Variants in UBE3B observed in about 807,000 individuals in gnomAD.
The protein encoded by UBE3B is ubiquitin protein ligase E3B.
UBE3B carries 80 observed loss-of-function variants against 132.3 expected under a neutral mutation model. That is an observed-to-expected ratio of 0.60 (90% CI 0.50 to 0.73). UBE3B has a LOEUF of 0.73. UBE3B is among the 30% of genes least tolerant of loss of function. The pLI is 0.00. For synonymous variants in UBE3B, 487 were observed against 520.4 expected (o/e 0.94, Z 0.87); for missense variants, 1,196 against 1,362.5 (o/e 0.88, Z 1.92).
At chr12:109,532,718 CA>C (rs1372525765) in intron 26 of UBE3B, among the ~76,000 whole-genome samples, 1 of 152,240 alleles carries the variant, frequency 6.6e-6, no homozygotes, top group Non-Finnish European at 1.5e-5. Flanking sequence ...CGGGAGTTCC[CA>C]GGGGGTAGCA....
chr12:109,547,007 G>T, the UBE3B span, among the ~76,000 whole-genome samples: 1 of 152,184 alleles, frequency 6.6e-6, no homozygotes, highest in Non-Finnish European at 1.5e-5. This position sits in a 1 kb window ranked among gnomAD's most constrained non-coding sequence, Gnocchi z 4.1. Context: ...ACCACACCCA[G>T]CCGGATTCAG....
intron 4 of UBE3B, among the ~76,000 whole-genome samples, chr12:109,485,508 C>T (rs966789756): frequency 9.9e-5 from 15 of 152,180 alleles, no homozygotes; most frequent in Non-Finnish European, 1.5e-4. Flanking sequence ...GGTTTAAGGG[C>T]GGATCCAGGA....
intron 11 of UBE3B, 60 bp from the exon 12 acceptor site, chr12:109,499,573 G>A (rs1878688777): frequency 1.4e-6 from 2 of 1,445,616 alleles, no homozygotes; most frequent in Non-Finnish European, 1.8e-6. Flanking sequence ...CAGGGAGCAG[G>A]GCCGGGAGGC....
At chr12:109,485,193 T>G (rs1336378077) in intron 4 of UBE3B, among the ~76,000 whole-genome samples, 1 of 152,258 alleles carries the variant, frequency 6.6e-6, no homozygotes, top group Non-Finnish European at 1.5e-5. Context: ...TAGTTATCTG[T>G]AATAGTACTA....
chr12:109,485,377 A>G (rs1876250008), intron 4 of UBE3B, among the ~76,000 whole-genome samples: 1 of 152,244 alleles, frequency 6.6e-6, no homozygotes, highest in South Asian at 2.1e-4. Context: ...AGGGAGGACT[A>G]TGCAGGCAGT....
At chr12:109,490,342 G>A in intron 8 of UBE3B, 1 of 1,433,418 alleles carries the variant, frequency 7.0e-7, no homozygotes, top group Non-Finnish European at 9.2e-7. Context: ...CTAGCTCTGT[G>A]TCCTCAAACA....
At chr12:109,510,318 G>C (rs1880203997) in intron 16 of UBE3B, 26 bp from the exon 17 acceptor site, 17 of 1,568,926 alleles carry the variant, frequency 1.1e-5, no homozygotes, top group Non-Finnish European at 1.4e-5. Context: ...CTCCTCCTCT[G>C]ACTTTCCTGT....
downstream of UBE3B, among the ~76,000 whole-genome samples, chr12:109,539,882 G>A (rs1883573628): frequency 6.6e-6 from 1 of 152,070 alleles, no homozygotes; most frequent in Non-Finnish European, 1.5e-5. Flanking sequence ...GGGACCAGCA[G>A]TTGCAGTTCC....
chr12:109,502,387 G>T (rs1879113877), intron 13 of UBE3B, among the ~76,000 whole-genome samples: 1 of 152,142 alleles, frequency 6.6e-6, no homozygotes, highest in Non-Finnish European at 1.5e-5. Flanking sequence ...GGTTCTCGTT[G>T]CACGCTCTTA....
intron 26 of UBE3B, among the ~76,000 whole-genome samples, chr12:109,531,749 T>G (rs1012664987): frequency 2.6e-5 from 4 of 152,090 alleles, no homozygotes; most frequent in Non-Finnish European, 4.4e-5. Context: ...AAGTTGATTC[T>G]GGGAGAATCA....
intron 25 of UBE3B, among the ~76,000 whole-genome samples, chr12:109,530,275 C>T (rs1213771549): frequency 6.6e-6 from 1 of 152,202 alleles, no homozygotes; most frequent in African/African-American, 2.4e-5. Flanking sequence ...GGCCTGAGGA[C>T]TGGGGGTTCT....
At position 109,507,429 on chromosome 12, in the gene UBE3B, T is replaced by C. The variant is rs545330124; in HGVS notation, c.1451-135T>C. The C allele has an allele frequency of 8.3e-6, 8 of 966,100 alleles. No homozygotes were observed. The South Asian group carries it at 1.0e-4, about 12-fold the overall frequency. The allele number at this position is 966,100 out of a possible 1,614,324, so 59.8% of individuals were successfully genotyped here. A position where few individuals can be genotyped will look rare whatever the true frequency, so the allele number is the denominator to read the frequency against. ...CTCGTGGTGATAATGCTTTTCTCCA[T>C]AATCCCACCTTCTTTTCACGCACAT... On this transcript the variant is annotated intron_variant, in intron 14 of 27. Coordinates refer to ENST00000342494, the MANE Select transcript of UBE3B (RefSeq NM_130466.4).
Position 109,521,223 on chromosome 12 carries a change from C to T in UBE3B, c.2152C>T (p.Leu718Phe). 1 of 1,614,136 alleles carries T rather than the reference C, an allele frequency of 6.2e-7. No homozygotes were observed. The highest frequency in any genetic ancestry group is 8.5e-7 in the Non-Finnish European group (1 of 1,180,034). ...CATCCGTGTGAAGTTTGTCAATGAC[C>T]TCGGGGTGGACGAAGCAGGGATTGA... The part of the protein sequence containing the change: ...GVIRVKFVND[L>F]GVDEAGIDQD... The change falls in exon 20 of 28, where the codon CTC (leucine) becomes TTC (phenylalanine). Residue 718 changes from leucine to phenylalanine, a missense_variant. Leu to Phe is a conservative substitution (Grantham distance 22, BLOSUM62 0). Transcript: ENST00000342494. This position sits in a 1 kb window ranked among gnomAD's most constrained non-coding sequence, Gnocchi z 4.2.
At chr12:109,510,479 G>T (rs761179245) in intron 17 of UBE3B, 21 bp downstream of exon 17, 2 of 1,590,350 alleles carry the variant, frequency 1.3e-6, no homozygotes, top group South Asian at 2.3e-5. Flanking sequence ...GGGGTGAGGA[G>T]GGCTCCATGG....
intron 18 of UBE3B, among the ~76,000 whole-genome samples, chr12:109,514,058 T>C (rs888772933): frequency 6.6e-6 from 1 of 152,250 alleles, no homozygotes; most frequent in Non-Finnish European, 1.5e-5. Context: ...AATGCCTTTC[T>C]TGTTTTCCTT....
intron 24 of UBE3B, among the ~76,000 whole-genome samples, chr12:109,528,860 A>AG (rs1882653952): frequency 9.5e-6 from 1 of 104,904 alleles, no homozygotes. Flanking sequence ...AAAAAAAAAA[A>AG]GAAAAGAAAA....
intron 18 of UBE3B, among the ~76,000 whole-genome samples, chr12:109,515,287 A>G (rs1880893563): frequency 6.6e-6 from 1 of 152,188 alleles, no homozygotes; most frequent in Admixed American, 6.5e-5. Flanking sequence ...TAGAGTTAAC[A>G]TAATAATTAA....
chr12:109,530,704 C>A, intron 26 of UBE3B, 46 bp downstream of exon 26: 3 of 1,551,784 alleles, frequency 1.9e-6, no homozygotes, highest in Non-Finnish European at 2.7e-6. Context: ...TTCTCATAAA[C>A]CTGGAAGGCC....
intron 17 of UBE3B, 46 bp downstream of exon 17, chr12:109,510,504 C>T (rs750143964): frequency 3.1e-5 from 46 of 1,475,200 alleles, no homozygotes; most frequent in African/African-American, 2.9e-4. Flanking sequence ...CAGCCTGCTC[C>T]GGCACGCTGC....
Sources: allele counts gnomAD v4.1 joint callset (sites outside exome capture counted in the v4.1 genomes callset), GRCh38; gene constraint gnomAD v4.1.1; non-coding constraint Gnocchi (gnomAD v3.1); transcripts MANE v1.5; gene names NCBI Gene and HGNC (gene_info 2026-07-23, HGNC 2026-07-21).